Variants in STK24 observed in about 807,000 individuals in gnomAD.
The protein encoded by STK24 is serine/threonine-protein kinase 24.
A neutral mutation model predicts 55.6 loss-of-function variants in STK24; 21 were observed. That is an observed-to-expected ratio of 0.38 (90% CI 0.27 to 0.54). The LOEUF is 0.54. Ranked by LOEUF, STK24 falls within the 20% of genes least tolerant of loss-of-function variation. The pLI is 0.79. For missense variants in STK24, 383 were observed against 538.4 expected, an observed-to-expected ratio of 0.71 and a Z score of 2.86; for synonymous variants, 200 against 215.2, an observed-to-expected ratio of 0.93 and a Z score of 0.62.
intron 1 of STK24, among the ~76,000 whole-genome samples, chr13:98,555,031 A>AG (rs1555312203): frequency 3.5e-5 from 5 of 143,592 alleles, no homozygotes; most frequent in African/African-American, 1.3e-4. Context: ...AAAAAAAAAA[A>AG]AAAGAAAGAA....
chr13:98,473,593 G>A (rs186046832), intron 5 of STK24, among the ~76,000 whole-genome samples: 1 of 152,260 alleles, frequency 6.6e-6, no homozygotes, highest in East Asian at 1.9e-4. Context: ...CCTCCCACGT[G>A]GGGTAGAGAC....
chr13:98,575,462 A>G (rs564090952), intron 1 of STK24, among the ~76,000 whole-genome samples: 2 of 152,006 alleles, frequency 1.3e-5, no homozygotes, highest in African/African-American at 4.8e-5. Flanking sequence ...CTAAAATTCT[A>G]GCTGCCATTA....
chr13:98,521,176 C>T (rs1896248192), intron 1 of STK24, among the ~76,000 whole-genome samples: 2 of 152,222 alleles, frequency 1.3e-5, no homozygotes, highest in Non-Finnish European at 2.9e-5. Flanking sequence ...AAACGCTACA[C>T]AAACATCCAC....
intron 5 of STK24, among the ~76,000 whole-genome samples, chr13:98,470,722 T>G (rs1894112398): frequency 6.6e-6 from 1 of 152,180 alleles, no homozygotes; most frequent in African/African-American, 2.4e-5. Flanking sequence ...GATGTGGGGA[T>G]CTATGCAACA....
At chr13:98,489,626 G>A (rs1894943399) in intron 2 of STK24, among the ~76,000 whole-genome samples, 2 of 152,226 alleles carry the variant, frequency 1.3e-5, no homozygotes, top group South Asian at 4.1e-4. Context: ...GCTCACGAAG[G>A]TCCGTCTAAC....
intron 3 of STK24, among the ~76,000 whole-genome samples, chr13:98,479,248 T>C (rs1180365310): frequency 6.6e-6 from 1 of 152,232 alleles, no homozygotes; most frequent in Non-Finnish European, 1.5e-5. Flanking sequence ...CCCAGCGGCC[T>C]TGGGATCATA....
intron 1 of STK24, among the ~76,000 whole-genome samples, chr13:98,528,231 A>T (rs1001892604): frequency 6.6e-6 from 1 of 152,226 alleles, no homozygotes; most frequent in Non-Finnish European, 1.5e-5. Context: ...GGCCAATGTC[A>T]TGACCACACC....
chr13:98,499,716 G>A (rs1347681016), intron 2 of STK24, among the ~76,000 whole-genome samples: 1 of 152,136 alleles, frequency 6.6e-6, no homozygotes, highest in Admixed American at 6.5e-5. Flanking sequence ...AAGGACCAGC[G>A]GAAGCACTGG....
chr13:98,536,353 C>T (rs1160547836), intron 1 of STK24, among the ~76,000 whole-genome samples: 1 of 150,876 alleles, frequency 6.6e-6, no homozygotes, highest in Non-Finnish European at 1.5e-5. Flanking sequence ...GCATATTCTT[C>T]TTCTATCTTT....
rs564159070 is a variant in STK24, at chr13:98,555,581, T to TA, written c.42+21163dup. Among the ~76,000 whole-genome samples, 218 of 148,596 alleles carry TA rather than the reference T, an allele frequency of 1.5e-3. 3 individuals carry two copies. In the South Asian group the frequency reaches 0.016, roughly 11 times the overall value. On this transcript the variant is annotated intron_variant, in intron 1 of 10. Transcript: ENST00000539966. ...GCGACAGAGTGAGACTCCGTCTCAA[T>TA]AAAAAAAATATATAAATAAATAAAA...
intron 2 of STK24, among the ~76,000 whole-genome samples, chr13:98,495,752 T>G (rs1187286774): frequency 6.6e-6 from 1 of 152,206 alleles, no homozygotes; most frequent in Non-Finnish European, 1.5e-5. Context: ...GCCTACAATT[T>G]TTACCCCATA....
In STK24 at chr13:98,513,446, C is replaced by T. The variant is rs953620402; in HGVS notation, c.273+5797G>A. On this transcript the variant is annotated intron_variant, in intron 2 of 10. Transcript: ENST00000539966. ...GATAAGCATCCCTGGCCTCCACCCA[C>T]ACCCCCAAGTAGTGGCAGCCGAAAC... 5.3e-5 allele frequency among the ~76,000 whole-genome samples: 8 copies of T among 152,208 alleles called. 1 individual carries two copies. The highest frequency in any genetic ancestry group is 1.9e-4 in the African/African-American group (8 of 41,452).
chr13:98,522,449 T>C (rs1231524985), intron 1 of STK24, among the ~76,000 whole-genome samples: 1 of 152,202 alleles, frequency 6.6e-6, no homozygotes, highest in Non-Finnish European at 1.5e-5. Flanking sequence ...AACACCCCAA[T>C]GGATTCTGAT....
At chr13:98,575,404 T>TACACAC (rs143143374) in intron 1 of STK24, among the ~76,000 whole-genome samples, 5,047 of 146,778 alleles carry the variant, frequency 0.034, 100 homozygotes, top group African/African-American at 0.061. Context: ...ACTGCTTATA[T>TACACAC]ATACACACAC....
intron 1 of STK24, among the ~76,000 whole-genome samples, chr13:98,534,866 T>C (rs1896669365): frequency 6.6e-6 from 1 of 152,224 alleles, no homozygotes; most frequent in Non-Finnish European, 1.5e-5. Flanking sequence ...GAGGCTGATT[T>C]GAGTAACAAT....
intron 1 of STK24, among the ~76,000 whole-genome samples, chr13:98,548,770 G>A (rs927272398): frequency 7.5e-5 from 11 of 147,224 alleles, no homozygotes; most frequent in Admixed American, 5.5e-4. Context: ...GCTGAGGCAG[G>A]AGAATCACTT....
In STK24 at chr13:98,508,234, A is replaced by T. The variant is rs373321889; in HGVS notation, c.273+11009T>A. ...ATTTCGTATACAGGATCCCAAAAGC[A>T]GAAATCATATAAGGTGAAAAACTGA... On this transcript the variant is annotated intron_variant, in intron 2 of 10. Transcript: ENST00000539966. Among the ~76,000 whole-genome samples, 11 of 152,332 alleles carry T rather than the reference A, an allele frequency of 7.2e-5. 1 individual carries two copies. Among genetic ancestry groups the T allele is most frequent in the African/African-American group, 2.6e-4 (11 of 41,574 alleles).
intron 2 of STK24, among the ~76,000 whole-genome samples, chr13:98,509,339 C>A (rs1160790928): frequency 6.6e-6 from 1 of 152,054 alleles, no homozygotes; most frequent in East Asian, 1.9e-4. Context: ...ACACAATTAG[C>A]CATGATTAGT....
chr13:98,466,382 C>A lies in STK24; in HGVS notation c.777G>T (p.Pro259=), dbSNP rs377650315. The stretch of plus-strand genomic sequence containing the variant: ...TGATCCCTGGGAAACTTACAAAGCT[C>A]GGCTCCTTATTCAAACAGGCCTCCA... ...EFVEACLNKE[P]SFRPTAKELL... The change falls in exon 6 of 11, where the codon CCG becomes CCT. Residue 259 remains proline (P), a synonymous_variant. Coordinates refer to ENST00000539966, the MANE Select transcript of STK24 (RefSeq NM_001032296.4). 6 of 1,611,974 alleles carry A rather than the reference C, an allele frequency of 3.7e-6. No homozygotes were observed. Among genetic ancestry groups the A allele is most frequent in the Non-Finnish European group, 5.1e-6 (6 of 1,179,944 alleles).
Sources: allele counts gnomAD v4.1 joint callset (sites outside exome capture counted in the v4.1 genomes callset), GRCh38; gene constraint gnomAD v4.1.1; transcripts MANE v1.5; gene names NCBI Gene and HGNC (gene_info 2026-07-23, HGNC 2026-07-21).